DOCK7: variants seen among roughly 807,000 people sequenced by gnomAD.
The protein encoded by DOCK7 is dedicator of cytokinesis protein 7.
Under a neutral mutation model 271.0 loss-of-function variants are expected in DOCK7, and 138 were observed. The ratio of observed to expected loss-of-function variants is 0.51; its 90% CI spans 0.44 to 0.59. The LOEUF (loss-of-function observed/expected upper bound fraction) is 0.59, where lower values mean the gene tolerates loss of function less well. DOCK7 is among the 20% of genes least tolerant of loss of function. DOCK7 has a pLI of 0.00. For synonymous variants in DOCK7, 823 were observed against 876.1 expected, an observed-to-expected ratio of 0.94 and a Z score of 1.07; for missense variants, 2,066 against 2,592.4, an observed-to-expected ratio of 0.80 and a Z score of 4.41.
chr1:62,498,321 C>T (rs1194000042), intron 37 of DOCK7, among the ~76,000 whole-genome samples: 1 of 152,122 alleles, frequency 6.6e-6, no homozygotes, highest in Non-Finnish European at 1.5e-5. Flanking sequence ...GTGTCATTAT[C>T]TTTACCTAAA....
rs1646258766 is a variant in DOCK7 at position 62,485,244 on chromosome 1, C to T, written c.5508+2154G>A. ...AACAGCCATTAAAGAACTGAAACTA[C>T]CAGAGGAGATAACAGCCACATGACT... On this transcript the variant is annotated intron_variant, in intron 43 of 49. Transcript: ENST00000635253. 9.1e-6 allele frequency: 9 copies of T among 985,148 alleles called. No individual in the cohort carries two copies. In the South Asian group the frequency reaches 2.3e-4, roughly 26 times the overall value. The allele number at this position is 985,148 out of a possible 1,614,324, so 61.0% of individuals were successfully genotyped here.
rs762552417 is a variant in DOCK7, at chr1:62,631,338, C to T, written c.1184G>A (p.Arg395His). ...GATTGCAGTCCAAGCAAAAGGCATG[C>T]GATATTTCCCAAGTCTTTGGCAAAA... ...DQFCQRLGKY[R>H]MPFAWTAIHL... The change falls in exon 11 of 50, where the codon CGC becomes CAC. Residue 395 changes from arginine to histidine, a missense_variant. Arg to His is a conservative substitution (Grantham distance 29). Coordinates refer to ENST00000635253, the MANE Select transcript of DOCK7 (RefSeq NM_001367561.1). 2.6e-5 allele frequency: 42 copies of T among 1,613,146 alleles called. No homozygotes were observed. Among genetic ancestry groups the T allele is most frequent in the East Asian group, 4.5e-5 (2 of 44,856 alleles).
intron 48 of DOCK7, among the ~76,000 whole-genome samples, chr1:62,461,232 G>A (rs572795437): frequency 4.6e-5 from 7 of 152,142 alleles, no homozygotes; most frequent in Admixed American, 2.0e-4. Flanking sequence ...AGTCAACAGA[G>A]TACTGGACGT....
chr1:62,602,440 C>T, intron 14 of DOCK7: 3 of 1,438,414 alleles, frequency 2.1e-6, no homozygotes, highest in South Asian at 2.3e-5. Flanking sequence ...TTACTGAGAA[C>T]CTCTTATGGA....
chr1:62,602,360 A>G (rs1164394759), intron 14 of DOCK7: 3 of 1,610,842 alleles, frequency 1.9e-6, no homozygotes, highest in East Asian at 4.5e-5. Flanking sequence ...AACTACAAAT[A>G]TGGTTTTGGG....
In DOCK7 at chr1:62,602,118, C is replaced by T. The variant is rs898952488; in HGVS notation, c.1683-15494G>A. Among the ~76,000 whole-genome samples, 3 of 151,520 alleles carry T rather than the reference C, an allele frequency of 2.0e-5. No homozygotes were observed. The East Asian group carries it at 5.8e-4, about 29-fold the overall frequency. On this transcript the variant is annotated intron_variant, in intron 14 of 49. Coordinates refer to ENST00000635253, the MANE Select transcript of DOCK7 (RefSeq NM_001367561.1). ...TTACTATGCCAAAATTCATTAATTG[C>T]CTTTCACTTAACTTTTGGGACCATA...
rs199803893 is a variant in DOCK7 at position 62,647,749 on chromosome 1, G to C, written c.760C>G (p.Pro254Ala). The change falls in exon 7 of 50, where the codon CCT (proline) becomes GCT (alanine). Residue 254 changes from proline (P) to alanine (A), a missense_variant. By Grantham distance (27) the Pro-to-Ala change is conservative. This residue lies in a region of DOCK7 where 1,414 missense variants were observed against 1,670.4 expected (regional missense o/e 0.85). Transcript: ENST00000635253. The stretch of plus-strand genomic sequence containing the variant: ...CCAAAATGTTCTTTGGGTATATCAG[G>C]AACACTAAGCCGTTCTATTGGTTCT... Reference protein sequence around the residue: ...EEEPIERLSVPDIPKEHFGQR... With the variant: ...EEEPIERLSVADIPKEHFGQR... The C allele has an allele frequency of 5.6e-5, 90 of 1,610,418 alleles. No homozygotes were observed. The highest frequency in any genetic ancestry group is 7.0e-5 in the Non-Finnish European group (83 of 1,178,702).
intron 9 of DOCK7, 138 bp downstream of exon 9, chr1:62,634,635 G>T: frequency 1.1e-6 from 1 of 873,998 alleles, no homozygotes; most frequent in Non-Finnish European, 1.8e-6. Flanking sequence ...TACTGTGTAT[G>T]TCCAATATTG....
chr1:62,555,848 G>A lies in DOCK7; in HGVS notation c.2573C>T (p.Thr858Ile), dbSNP rs766957820. 1.9e-6 allele frequency: 3 copies of A among 1,612,962 alleles called. No individual in the cohort carries two copies. The highest frequency in any genetic ancestry group is 2.5e-6 in the Non-Finnish European group (3 of 1,179,644). The part of the protein sequence containing the change: ...YIHYVFRLPN[T>I]YPNSSSPGPG... The stretch of plus-strand genomic sequence containing the variant: ...ACCTGGTGATGATGAATTAGGGTAA[G>A]TATTTGGTAGGCGGAAAACATAATG... Residue 858 changes from threonine (T) to isoleucine (I), a missense_variant, in exon 21 of 50, where the codon ACT becomes ATT. By Grantham distance (89) the Thr-to-Ile change is moderately conservative. Around this residue, in one of 2 missense-constraint regions of DOCK7, gnomAD observed 1,414 missense variants for 1,670.4 expected, o/e 0.85. Coordinates refer to ENST00000635253, the MANE Select transcript of DOCK7 (RefSeq NM_001367561.1).
At chr1:62,538,333 A>G (rs907533641) in intron 27 of DOCK7, among the ~76,000 whole-genome samples, 3 of 152,232 alleles carry the variant, frequency 2.0e-5, no homozygotes, top group African/African-American at 7.2e-5. Flanking sequence ...CTCATAAAAC[A>G]GGGAAAACGT....
intron 30 of DOCK7, among the ~76,000 whole-genome samples, chr1:62,529,072 C>T (rs1440517134): frequency 1.3e-5 from 2 of 152,076 alleles, no homozygotes; most frequent in African/African-American, 4.8e-5. Context: ...TTAAATTCAT[C>T]ATAAGAACTA....
At chr1:62,656,940 C>T (rs536290131) in intron 2 of DOCK7, among the ~76,000 whole-genome samples, 1 of 152,306 alleles carries the variant, frequency 6.6e-6, no homozygotes, top group East Asian at 1.9e-4. Context: ...TGTAACAAGG[C>T]ATCCCAACTC....
chr1:62,548,002 T>C (rs1645765735), intron 22 of DOCK7, among the ~76,000 whole-genome samples: 1 of 152,128 alleles, frequency 6.6e-6, no homozygotes, highest in Non-Finnish European at 1.5e-5. Context: ...AAACAAGTGA[T>C]CTAGTCCTGC....
In DOCK7 at chr1:62,582,494, A is replaced by G. The variant is rs1323844776; in HGVS notation, c.1871+690T>C. Among the ~76,000 whole-genome samples, 194 of 138,436 alleles carry G rather than the reference A, an allele frequency of 1.4e-3. 1 individual carries two copies. Among genetic ancestry groups the G allele is most frequent in the African/African-American group, 4.6e-3 (169 of 36,950 alleles). 90.8% of individuals were successfully genotyped at this position (138,436 alleles called of 152,430 possible). Reference sequence around the variant, plus strand: ...GAACCCGGGAGGCGGAGCTTGCAGTAAGCCGAGATCCCGCCACTGCACTCC... The same window carrying G: ...GAACCCGGGAGGCGGAGCTTGCAGTGAGCCGAGATCCCGCCACTGCACTCC... On this transcript the variant is annotated intron_variant, in intron 16 of 49. Coordinates refer to ENST00000635253, the MANE Select transcript of DOCK7 (RefSeq NM_001367561.1).
In DOCK7 at chr1:62,477,481, T is replaced by C. The variant is rs543434161; in HGVS notation, c.5634+219A>G. ...GATACAGGGGTTTCTAAAATATGTG[T>C]GAAAATAGTCTCAAAAAATAGACAA... is the stretch of plus-strand genomic sequence containing the variant. On this transcript the variant is annotated intron_variant, in intron 44 of 49. Transcript: ENST00000635253. 3.3e-5 allele frequency among the ~76,000 whole-genome samples: 5 copies of C among 152,334 alleles called. No homozygotes were observed. In the South Asian group the frequency reaches 8.3e-4, roughly 25 times the overall value.
At chr1:62,660,502 A>C (rs554435098) in intron 2 of DOCK7, among the ~76,000 whole-genome samples, 2 of 152,184 alleles carry the variant, frequency 1.3e-5, no homozygotes, top group Non-Finnish European at 2.9e-5. Context: ...CAATATGGAG[A>C]AATTTGAACC....
intron 35 of DOCK7, 78 bp downstream of exon 35, chr1:62,507,884 G>T: frequency 2.3e-6 from 3 of 1,280,168 alleles, no homozygotes; most frequent in Non-Finnish European, 2.2e-6. Context: ...GTAATTTTAT[G>T]GCTCACAGTA....
intron 4 of DOCK7, among the ~76,000 whole-genome samples, chr1:62,650,828 C>T (rs1461899854): frequency 6.6e-6 from 1 of 152,118 alleles, no homozygotes; most frequent in East Asian, 1.9e-4. Context: ...GAAACAGGAA[C>T]ACTTTTACAG....
At chr1:62,586,383 C>A in intron 15 of DOCK7, 124 bp downstream of exon 15, 1 of 636,344 alleles carries the variant, frequency 1.6e-6, no homozygotes, top group Non-Finnish European at 2.7e-6. Flanking sequence ...GAAAGTAATG[C>A]AGTTAGAAAT....
Sources: allele counts gnomAD v4.1 joint callset (sites outside exome capture counted in the v4.1 genomes callset), GRCh38; gene constraint gnomAD v4.1.1; regional missense constraint gnomAD v4.1.1; transcripts MANE v1.5; gene names NCBI Gene and HGNC (gene_info 2026-07-23, HGNC 2026-07-21).